Variants in CEACAM1 observed in about 807,000 individuals in gnomAD.
The protein encoded by CEACAM1 is cell adhesion molecule CEACAM1.
CEACAM1 carries 31 observed loss-of-function variants against 49.1 expected under a neutral mutation model. That is an observed-to-expected ratio of 0.63 (90% CI 0.47 to 0.85). The LOEUF is 0.85. Ranked by LOEUF, CEACAM1 falls within the 40% of genes least tolerant of loss-of-function variation. CEACAM1 has a pLI of 0.00. For missense variants in CEACAM1, 570 were observed against 645.3 expected (o/e 0.88, Z 1.26); for synonymous variants, 244 against 247.8 (o/e 0.98, Z 0.14).
chr19:42,526,971 G>C (rs1222235537), intron 2 of CEACAM1, 70 bp downstream of exon 2: 4 of 1,567,234 alleles, frequency 2.6e-6, no homozygotes, highest in East Asian at 2.2e-5. Context: ...CACAGCCCAG[G>C]CCTGACAATC....
chr19:42,527,017 C>T (rs756251280), intron 2 of CEACAM1, 24 bp downstream of exon 2: 1 of 1,579,938 alleles, frequency 6.3e-7, no homozygotes. Context: ...CCCCAACACC[C>T]AGAGGTCATG....
At position 42,512,422 on chromosome 19, in the gene CEACAM1, A is replaced by G. The variant is rs200576639; in HGVS notation, c.1304T>C (p.Ile435Thr). The change falls in exon 6 of 9, where the codon ATT becomes ACT. Residue 435 changes from isoleucine to threonine, a missense_variant. Transcript: ENST00000161559. Reference sequence around the variant, plus strand: ...CAGAGCAACCAGGGCCACTACTCCAATCACAATGCCAGCAATGGCCCCAGG... The same window carrying G: ...CAGAGCAACCAGGGCCACTACTCCAGTCACAATGCCAGCAATGGCCCCAGG... ...LSPGAIAGIV[I>T]GVVALVALIA... 5 of 1,614,190 alleles carry G rather than the reference A, an allele frequency of 3.1e-6. No individual in the cohort carries two copies. Among genetic ancestry groups the G allele is most frequent in the South Asian group, 1.1e-5 (1 of 91,080 alleles).
At chr19:42,517,331 T>G (rs1057458190) in intron 5 of CEACAM1, among the ~76,000 whole-genome samples, 10 of 152,232 alleles carry the variant, frequency 6.6e-5, no homozygotes, top group African/African-American at 2.4e-4. Context: ...AAATTGGACT[T>G]AATGAAAATT....
intron 2 of CEACAM1, among the ~76,000 whole-genome samples, chr19:42,525,285 C>T (rs2041863269): frequency 6.7e-6 from 1 of 148,290 alleles, no homozygotes; most frequent in Non-Finnish European, 1.5e-5. Context: ...AGCACAGTGA[C>T]ATGATCTTGG....
chr19:42,512,240 G>C, intron 6 of CEACAM1, 110 bp downstream of exon 6: 1 of 1,273,166 alleles, frequency 7.9e-7, no homozygotes, highest in Non-Finnish European at 1.1e-6. Flanking sequence ...CAGGAGTTTA[G>C]TGGGAGGAGT....
chr19:42,519,083 T>C lies in CEACAM1; in HGVS notation c.1111A>G (p.Arg371Gly). 1.2e-6 allele frequency: 2 copies of C among 1,612,388 alleles called. No individual in the cohort carries two copies. Among genetic ancestry groups the C allele is most frequent in the Non-Finnish European group, 1.7e-6 (2 of 1,178,982 alleles). The change falls in exon 5 of 9, where the codon AGG (arginine) becomes GGG (glycine). Residue 371 changes from arginine to glycine, a missense_variant. Coordinates refer to ENST00000161559, the MANE Select transcript of CEACAM1 (RefSeq NM_001712.5). ...FKNQSLPSSE[R>G]MKLSQGNTTL... ...GTGTTGCCCTGGGACAGCTTCATCC[T>C]CTCCGAGGACGGGAGACTCTGGTTT...
rs200391182 is a variant in CEACAM1 at position 42,521,515 on chromosome 19, G to A, written c.710C>T (p.Pro237Leu). Reference sequence around the variant, plus strand: ...TGAAGGGGAAATGGTGGGGGTGTCCGGGCCATCTGGAGCAAAGAGAATAAA... The same window carrying A: ...TGAAGGGGAAATGGTGGGGGTGTCCAGGCCATCTGGAGCAAAGAGAATAAA... ...DPVTLNVTYG[P>L]DTPTISPSDT... The change falls in exon 4 of 9, where the codon CCG (proline) becomes CTG (leucine). Residue 237 changes from proline (P) to leucine (L), a missense_variant. By Grantham distance (98) the Pro-to-Leu change is moderately conservative. Transcript: ENST00000161559. 2.5e-6 allele frequency: 4 copies of A among 1,613,476 alleles called. No homozygotes were observed. Among genetic ancestry groups the A allele is most frequent in the East Asian group, 2.2e-5 (1 of 44,858 alleles).
chr19:42,521,852 T>C, intron 3 of CEACAM1, 72 bp downstream of exon 3: 1 of 1,609,268 alleles, frequency 6.2e-7, no homozygotes, highest in African/African-American at 1.3e-5. Flanking sequence ...TGAGAGGGAC[T>C]GAGAGGCCTG....
chr19:42,511,938 A>T, intron 6 of CEACAM1, among the ~76,000 whole-genome samples: 1 of 149,826 alleles, frequency 6.7e-6, no homozygotes, highest in Non-Finnish European at 1.5e-5. Flanking sequence ...ATTGTTCAAG[A>T]GGACTTTGGT....
In CEACAM1 at chr19:42,527,245, C is replaced by T. The variant is rs2041915116; in HGVS notation, c.220G>A (p.Asp74Asn). 1 of 1,613,846 alleles carries T rather than the reference C, an allele frequency of 6.2e-7. No individual in the cohort carries two copies. The highest frequency in any genetic ancestry group is 2.2e-5 in the East Asian group (1 of 44,852). Residue 74 changes from aspartate to asparagine, a missense_variant, in exon 2 of 9, where the codon GAT becomes AAT. Asp to Asn is a conservative substitution (Grantham distance 23). Coordinates refer to ENST00000161559, the MANE Select transcript of CEACAM1 (RefSeq NM_001712.5). ...TATCCTACAATTTGACGGTTGCCAT[C>T]CACTCTTTCCCCTTTGTACCAGCTG... ...GYSWYKGERVDGNRQIVGYAI... is the reference protein window; with the variant it reads ...GYSWYKGERVNGNRQIVGYAI...
chr19:42,513,064 G>A (rs1442621094), intron 5 of CEACAM1, among the ~76,000 whole-genome samples: 1 of 152,166 alleles, frequency 6.6e-6, no homozygotes, highest in Non-Finnish European at 1.5e-5. Flanking sequence ...TATGAGAAAG[G>A]CTGATTGCTA....
intron 7 of CEACAM1, 121 bp from the exon 8 acceptor site, chr19:42,511,041 T>G: frequency 1.1e-6 from 1 of 894,992 alleles, no homozygotes; most frequent in Non-Finnish European, 1.8e-6. Flanking sequence ...AGGAATTTAC[T>G]TCCCTCAGAG....
At chr19:42,524,258 G>A (rs2041832907) in intron 2 of CEACAM1, among the ~76,000 whole-genome samples, 1 of 152,190 alleles carries the variant, frequency 6.6e-6, no homozygotes, top group Non-Finnish European at 1.5e-5. Flanking sequence ...GGAATGGGCA[G>A]CAAACCCATC....
At position 42,508,248 on chromosome 19, in the gene CEACAM1, A is replaced by G. The variant is rs2041376912; in HGVS notation, c.*861T>C. The stretch of plus-strand genomic sequence containing the variant: ...TGTGTATTCTTTAACAATAATTTAA[A>G]TAATCGCTGAAGGGCAGCTCTCTGA... On this transcript the variant is annotated 3_prime_UTR_variant, in exon 9 of 9. Coordinates refer to ENST00000161559, the MANE Select transcript of CEACAM1 (RefSeq NM_001712.5). 1 of 152,240 alleles carries G rather than the reference A, an allele frequency of 6.6e-6. No individual in the cohort carries two copies. Among genetic ancestry groups the G allele is most frequent in the South Asian group, 2.1e-4 (1 of 4,836 alleles). 9.4% of individuals were successfully genotyped at this position (152,240 alleles called of 1,614,324 possible). A position where few individuals can be genotyped will look rare whatever the true frequency, so the allele number is the denominator to read the frequency against.
chr19:42,513,960 T>TC (rs1381505130), intron 5 of CEACAM1, among the ~76,000 whole-genome samples: 27 of 120,950 alleles, frequency 2.2e-4, no homozygotes, highest in African/African-American at 8.7e-4. Context: ...TTCTTCTTCT[T>TC]TTTTTTTTTT....
rs41513646 is a variant in CEACAM1, at chr19:42,526,361, G to T, written c.424+680C>A. Among the ~76,000 whole-genome samples, 438 of 152,280 alleles carry T rather than the reference G, an allele frequency of 2.9e-3. 5 individuals are homozygous for T. Among genetic ancestry groups the T allele is most frequent in the African/African-American group, 1.0e-2 (414 of 41,546 alleles). ...TGTCTCCTCTGTTCCTCCTCCTGGG[G>T]ATGGTAAACTTCCTATGGCATCTCC... On this transcript the variant is annotated intron_variant, in intron 2 of 8. Coordinates refer to ENST00000161559, the MANE Select transcript of CEACAM1 (RefSeq NM_001712.5).
At chr19:42,510,009 G>C (rs990508585) in intron 8 of CEACAM1, among the ~76,000 whole-genome samples, 21 of 152,274 alleles carry the variant, frequency 1.4e-4, no homozygotes, top group African/African-American at 3.8e-4. Context: ...ACTTGTGAAA[G>C]TTCATACATT....
At chr19:42,521,180 C>G in intron 4 of CEACAM1, 87 bp downstream of exon 4, 1 of 1,507,034 alleles carries the variant, frequency 6.6e-7, no homozygotes. Flanking sequence ...ATACAGGCTG[C>G]AAAAGAAAAT....
At chr19:42,518,725 C>T in intron 5 of CEACAM1, 1 of 559,454 alleles carries the variant, frequency 1.8e-6, no homozygotes, top group East Asian at 3.2e-5. Flanking sequence ...TGGTCTCGAT[C>T]TCCTGCCCTC....
Sources: gnomAD v4.1 joint callset for allele counts (sites outside exome capture counted in the v4.1 genomes callset) on GRCh38, gnomAD v4.1.1 for gene constraint, MANE v1.5 for transcripts, NCBI Gene and HGNC (gene_info 2026-07-23, HGNC 2026-07-21) for gene names.